The following INPP5F variants were observed in gnomAD, a reference collection of about 807,000 sequenced individuals.
The protein encoded by INPP5F is phosphatidylinositide 4-phosphatase SAC2.
A neutral mutation model predicts 137.2 loss-of-function variants in INPP5F; 97 were observed. That is an observed-to-expected ratio of 0.71 (90% confidence interval 0.60 to 0.84). The LOEUF (loss-of-function observed/expected upper bound fraction) is 0.84. INPP5F is among the 40% of genes least tolerant of loss of function. The pLI is 0.00. For synonymous variants in INPP5F, 504 were observed against 476.9 expected (o/e 1.06, Z -0.74); for missense variants, 1,271 against 1,371.9 (o/e 0.93, Z 1.16).
chr10:119,786,429 C>T (rs781222402), intron 3 of INPP5F, among the ~76,000 whole-genome samples: 60 of 152,194 alleles, frequency 3.9e-4, no homozygotes, highest in Admixed American at 1.0e-3. Flanking sequence ...TTTTCTCTAT[C>T]CCTGTTTTTT....
Position 119,752,803 on chromosome 10 carries a change from G to A in INPP5F, c.178+1647G>A, listed in dbSNP as rs562691349. On this transcript the variant is annotated intron_variant, in intron 2 of 19. Coordinates refer to ENST00000650623, the MANE Select transcript of INPP5F (RefSeq NM_014937.4). ...GATTTTATATAAATGATATTAAGTT[G>A]TTTTTGTTCTTTCACTTATTTTTAT... Among the ~76,000 whole-genome samples, 40 of 151,904 alleles carry A rather than the reference G, an allele frequency of 2.6e-4. No homozygotes were observed. The South Asian group carries it at 8.1e-3, about 31-fold the overall frequency.
chr10:119,751,379 C>T (rs769006692), intron 2 of INPP5F, among the ~76,000 whole-genome samples: 4 of 152,060 alleles, frequency 2.6e-5, no homozygotes, highest in Admixed American at 6.6e-5. Context: ...TGGAAATAAA[C>T]GTATGATTAT....
intron 6 of INPP5F, among the ~76,000 whole-genome samples, chr10:119,795,513 A>G (rs1027512952): frequency 6.7e-6 from 1 of 148,696 alleles, no homozygotes; most frequent in African/African-American, 2.5e-5. Flanking sequence ...CACTTCCCAG[A>G]TGTGATGGCG....
At position 119,804,266 on chromosome 10, in the gene INPP5F, A is replaced by T; in HGVS notation, c.1210A>T (p.Thr404Ser). 6.2e-7 allele frequency: 1 copy of T among 1,611,958 alleles called. No homozygotes were observed. Among genetic ancestry groups the T allele is most frequent in the South Asian group, 1.1e-5 (1 of 90,708 alleles). ...QVLLFNNSHL[T>S]YVSFDFHEHC... Reference sequence around the variant, plus strand: ...GTTGCTTTTCAACAACTCACACCTCACTTACGTTTCGTTTGACTTCCATGA... The same window carrying T: ...GTTGCTTTTCAACAACTCACACCTCTCTTACGTTTCGTTTGACTTCCATGA... Residue 404 changes from threonine (T) to serine (S), a missense_variant, in exon 10 of 20, where the codon ACT becomes TCT. Thr to Ser is a moderately conservative substitution (Grantham distance 58). Around this residue, in one of 6 missense-constraint regions of INPP5F, gnomAD observed 593 missense variants for 712.4 expected, o/e 0.83. Transcript: ENST00000650623.
Position 119,827,401 on chromosome 10 carries a change from C to T in INPP5F, c.3020C>T (p.Thr1007Ile). 6.2e-7 allele frequency: 1 copy of T among 1,614,184 alleles called. No homozygotes were observed. Among genetic ancestry groups the T allele is most frequent in the Non-Finnish European group, 8.5e-7 (1 of 1,180,042 alleles). ...ACCCAATCAGAATCAACAGAACAGACACCTTCTCGGCCATCGCAATTAGAT... is the reference window on the plus strand; with the variant it reads ...ACCCAATCAGAATCAACAGAACAGATACCTTCTCGGCCATCGCAATTAGAT... ...NETQSESTEQTPSRPSQLDVS... is the reference protein window; with the variant it reads ...NETQSESTEQIPSRPSQLDVS... Residue 1007 changes from threonine (T) to isoleucine (I), a missense_variant, in exon 20 of 20, where the codon ACA becomes ATA. Physicochemically the swap from Thr to Ile is moderately conservative, Grantham distance 89. Around this residue, in one of 6 missense-constraint regions of INPP5F, gnomAD observed 490 missense variants for 443.7 expected, o/e 1.10. Coordinates refer to ENST00000650623, the MANE Select transcript of INPP5F (RefSeq NM_014937.4).
At position 119,778,966 on chromosome 10, in the gene INPP5F, T is replaced by C. The variant is rs139365688; in HGVS notation, c.179-2669T>C. On this transcript the variant is annotated intron_variant, in intron 2 of 19. Transcript: ENST00000650623. Reference sequence around the variant, plus strand: ...CAGAGACCAGTCATTTGCCAGGGCATACTCAGAGAATTGTCATTTCCCCTT... The same window carrying C: ...CAGAGACCAGTCATTTGCCAGGGCACACTCAGAGAATTGTCATTTCCCCTT... Among the ~76,000 whole-genome samples, 184 of 152,284 alleles carry C rather than the reference T, an allele frequency of 1.2e-3. 2 individuals are homozygous for C. Among genetic ancestry groups the C allele is most frequent in the African/African-American group, 4.3e-3 (180 of 41,532 alleles).
At chr10:119,773,755 A>G (rs1164895111) in intron 2 of INPP5F, among the ~76,000 whole-genome samples, 1 of 152,128 alleles carries the variant, frequency 6.6e-6, no homozygotes, top group Non-Finnish European at 1.5e-5. Context: ...GCTGGAGTAC[A>G]GTGATGGAAT....
At chr10:119,818,488 C>T (rs1490058938) in intron 15 of INPP5F, among the ~76,000 whole-genome samples, 3 of 152,240 alleles carry the variant, frequency 2.0e-5, no homozygotes, top group African/African-American at 4.8e-5. Context: ...CCCCTCCAGC[C>T]GCAGGCACTG....
chr10:119,774,575 C>A (rs1322989033), intron 2 of INPP5F, among the ~76,000 whole-genome samples: 1 of 151,896 alleles, frequency 6.6e-6, no homozygotes, highest in South Asian at 2.1e-4. Context: ...CTCAAGCAAT[C>A]CCTCTGCCTT....
intron 9 of INPP5F, among the ~76,000 whole-genome samples, chr10:119,803,933 A>T (rs980835514): frequency 5.3e-5 from 8 of 152,204 alleles, no homozygotes; most frequent in African/African-American, 9.7e-5. Context: ...TATATAGAAA[A>T]GCTATTAATG....
chr10:119,736,564 C>G (rs1280816220), intron 1 of INPP5F, among the ~76,000 whole-genome samples: 3 of 152,190 alleles, frequency 2.0e-5, no homozygotes, highest in Middle Eastern at 6.3e-3. Flanking sequence ...TCCATCAGGT[C>G]CTCCTAGGCT....
intron 2 of INPP5F, among the ~76,000 whole-genome samples, chr10:119,772,453 C>T (rs1392837948): frequency 6.6e-6 from 1 of 151,978 alleles, no homozygotes; most frequent in Non-Finnish European, 1.5e-5. Context: ...TTTAGCATGC[C>T]ATGTGTTGCA....
At chr10:119,755,161 C>T (rs1848802640) in intron 2 of INPP5F, among the ~76,000 whole-genome samples, 1 of 152,214 alleles carries the variant, frequency 6.6e-6, no homozygotes, top group African/African-American at 2.4e-5. Flanking sequence ...TGAGCAAGTG[C>T]TCGTGACTTA....
intron 1 of INPP5F, among the ~76,000 whole-genome samples, chr10:119,739,067 C>G (rs191132669): frequency 7.9e-5 from 12 of 151,306 alleles, no homozygotes; most frequent in African/African-American, 2.9e-4. Flanking sequence ...TGCCTGTATT[C>G]CCAGCTACTT....
At chr10:119,822,159 A>C (rs1851594270) in intron 16 of INPP5F, among the ~76,000 whole-genome samples, 1 of 152,058 alleles carries the variant, frequency 6.6e-6, no homozygotes, top group Admixed American at 6.5e-5. Context: ...AAGTGCTGGG[A>C]TTACAGGTGT....
chr10:119,804,143 T>A, intron 9 of INPP5F, 30 bp from the exon 10 acceptor site: 1 of 1,523,220 alleles, frequency 6.6e-7, no homozygotes, highest in Non-Finnish European at 8.9e-7. Context: ...AAAATCTAAC[T>A]AAATTTTTTC....
intron 18 of INPP5F, among the ~76,000 whole-genome samples, chr10:119,823,595 C>T (rs929017703): frequency 1.7e-4 from 26 of 152,138 alleles, no homozygotes; most frequent in African/African-American, 5.3e-4. Context: ...TTTTATTCCC[C>T]GATTTCATTC....
At chr10:119,809,028 A>T (rs1213825492) in intron 13 of INPP5F, among the ~76,000 whole-genome samples, 1 of 152,208 alleles carries the variant, frequency 6.6e-6, no homozygotes, top group Non-Finnish European at 1.5e-5. Context: ...ATTCAAGACC[A>T]GCCTGGCCAA....
At chr10:119,822,404 C>T (rs769148175) in intron 16 of INPP5F, 27 bp from the exon 17 acceptor site, 2 of 1,268,208 alleles carry the variant, frequency 1.6e-6, no homozygotes, top group Admixed American at 2.2e-5. Flanking sequence ...TTTAAATCCT[C>T]TTTTAACTTC....
Sources: gnomAD v4.1 joint callset for allele counts (sites outside exome capture counted in the v4.1 genomes callset) on GRCh38, gnomAD v4.1.1 for gene constraint, gnomAD v4.1.1 regional missense constraint, MANE v1.5 for transcripts, NCBI Gene and HGNC (gene_info 2026-07-23, HGNC 2026-07-21) for gene names.